The following TRPM3 variants were observed in gnomAD, a reference collection of about 807,000 sequenced individuals.
The protein encoded by TRPM3 is long transient receptor potential channel 3.
In TRPM3, 77 loss-of-function variants were observed where a neutral mutation model predicts 181.2. That is an observed-to-expected ratio of 0.42 (90% CI 0.35 to 0.51). The LOEUF is 0.51. Ranked by LOEUF, TRPM3 falls within the 20% of genes least tolerant of loss-of-function variation. The pLI, the probability that TRPM3 is intolerant of heterozygous loss-of-function variation, is 0.01. For missense variants in TRPM3, 1,759 were observed against 2,196.7 expected (o/e 0.80, Z 3.98); for synonymous variants, 745 against 796.4 (o/e 0.94, Z 1.09).
intron 1 of TRPM3, among the ~76,000 whole-genome samples, chr9:71,386,241 G>A (rs997173998): frequency 6.6e-6 from 1 of 151,814 alleles, no homozygotes. Context: ...ACGAGGTCAG[G>A]AGATTGAAAC....
chr9:70,861,830 G>A lies in TRPM3; in HGVS notation c.462+1078C>T, dbSNP rs59518319. Among the ~76,000 whole-genome samples, 805 of 148,334 alleles carry A rather than the reference G, an allele frequency of 5.4e-3. 9 individuals are homozygous for A. Among genetic ancestry groups the A allele is most frequent in the African/African-American group, 0.019 (755 of 40,346 alleles). On this transcript the variant is annotated intron_variant, in intron 3 of 25. Coordinates refer to ENST00000677713, the MANE Select transcript of TRPM3 (RefSeq NM_001366145.2). ...AGCACATTTTTCTTTCTAAAATATCGTTCAGAAATGGTTTTAATATACAGT... is the reference window on the plus strand; with the variant it reads ...AGCACATTTTTCTTTCTAAAATATCATTCAGAAATGGTTTTAATATACAGT...
At chr9:70,961,791 T>C (rs2097139071) in intron 1 of TRPM3, among the ~76,000 whole-genome samples, 1 of 152,128 alleles carries the variant, frequency 6.6e-6, no homozygotes, top group Non-Finnish European at 1.5e-5. Context: ...AAGCATTAAA[T>C]TGGTATTTAT....
rs146119682 is a variant in TRPM3, at chr9:70,537,293, G to C, written c.3820C>G (p.Arg1274Gly). The change falls in exon 26 of 26, where the codon CGC becomes GGC. Residue 1274 changes from arginine to glycine, a missense_variant. Around this residue, in one of 8 missense-constraint regions of TRPM3, gnomAD observed 612 missense variants for 590.0 expected, o/e 1.04. Coordinates refer to ENST00000677713, the MANE Select transcript of TRPM3 (RefSeq NM_001366145.2). ...RLAQLEDLIGRMATALERLTG... is the reference protein window; with the variant it reads ...RLAQLEDLIGGMATALERLTG... Reference sequence around the variant, plus strand: ...AGGCGCTCCAGGGCCGTGGCCATGCGCCCGATAAGGTCTTCCAGCTGCGCC... The same window carrying C: ...AGGCGCTCCAGGGCCGTGGCCATGCCCCCGATAAGGTCTTCCAGCTGCGCC... 1.3e-6 allele frequency: 2 copies of C among 1,553,004 alleles called. No homozygotes were observed. The highest frequency in any genetic ancestry group is 1.7e-6 in the Non-Finnish European group (2 of 1,146,562).
chr9:70,846,399 A>C lies in TRPM3; in HGVS notation c.655T>G (p.Phe219Val). 1 of 1,614,120 alleles carries C rather than the reference A, an allele frequency of 6.2e-7. No individual in the cohort carries two copies. The highest frequency in any genetic ancestry group is 1.1e-5 in the South Asian group (1 of 91,082). The change falls in exon 4 of 26, where the codon TTC becomes GTC. Residue 219 changes from phenylalanine to valine, a missense_variant. Around this residue, in one of 8 missense-constraint regions of TRPM3, gnomAD observed 737 missense variants for 957.4 expected, o/e 0.77. Coordinates refer to ENST00000677713, the MANE Select transcript of TRPM3 (RefSeq NM_001366145.2). Reference protein sequence around the residue: ...KAAMTTGAWIFTGGVNTGVIR... With the variant: ...KAAMTTGAWIVTGGVNTGVIR... ...TTACCTGTGTTAACCCCTCCAGTGA[A>C]TATCCACGCTCCAGTTGTCATTGCT...
chr9:71,112,465 G>A (rs541654853), intron 1 of TRPM3, among the ~76,000 whole-genome samples: 5 of 152,130 alleles, frequency 3.3e-5, no homozygotes, highest in South Asian at 2.1e-4. Flanking sequence ...TTGGGGAATC[G>A]ATGAACTAAA....
At position 70,916,337 on chromosome 9, in the gene TRPM3, A is replaced by G. The variant is rs184265444; in HGVS notation, c.178-51826T>C. On this transcript the variant is annotated intron_variant, in intron 1 of 25. Coordinates refer to ENST00000677713, the MANE Select transcript of TRPM3 (RefSeq NM_001366145.2). ...CTCATTGGTAATAGTAAGTACACAG[A>G]AAAATATAGAATATTATAAAACTGT... 2.6e-5 allele frequency among the ~76,000 whole-genome samples: 4 copies of G among 152,364 alleles called. No individual in the cohort carries two copies. In the East Asian group the frequency reaches 5.8e-4, roughly 22 times the overall value.
chr9:70,570,465 C>T (rs772584300), intron 22 of TRPM3, among the ~76,000 whole-genome samples: 18 of 151,978 alleles, frequency 1.2e-4, no homozygotes, highest in Non-Finnish European at 1.8e-4. Flanking sequence ...TGCGCCACCA[C>T]GCCCAGCTAA....
At chr9:71,268,866 C>A (rs916180207) in intron 1 of TRPM3, among the ~76,000 whole-genome samples, 69 of 152,090 alleles carry the variant, frequency 4.5e-4, no homozygotes, top group African/African-American at 1.5e-3. Flanking sequence ...AACAAAGAAT[C>A]AGAGAAGGCT....
intron 1 of TRPM3, among the ~76,000 whole-genome samples, chr9:71,408,242 G>A (rs964989273): frequency 1.3e-5 from 2 of 152,186 alleles, no homozygotes; most frequent in African/African-American, 2.4e-5. Flanking sequence ...AAAGCAGGAT[G>A]GAGAACGACT....
At chr9:71,380,468 T>C (rs2092772716) in intron 1 of TRPM3, among the ~76,000 whole-genome samples, 1 of 152,002 alleles carries the variant, frequency 6.6e-6, no homozygotes, top group African/African-American at 2.4e-5. Context: ...TTTTTGTCAA[T>C]CATTTTATTG....
intron 8 of TRPM3, among the ~76,000 whole-genome samples, chr9:70,700,183 A>G (rs967001160): frequency 2.2e-4 from 34 of 152,184 alleles, no homozygotes; most frequent in African/African-American, 8.2e-4. Flanking sequence ...GGCTTTCACT[A>G]TGTTGGCCAG....
intron 1 of TRPM3, among the ~76,000 whole-genome samples, chr9:70,883,620 G>C (rs2096034271): frequency 6.6e-6 from 1 of 152,166 alleles, no homozygotes; most frequent in African/African-American, 2.4e-5. Context: ...GAAGTGACTT[G>C]AGTGATTTTC....
chr9:71,120,991 G>A (rs964748027), intron 1 of TRPM3, among the ~76,000 whole-genome samples, 187 bp downstream of exon 1: 87 of 151,836 alleles, frequency 5.7e-4, no homozygotes, highest in African/African-American at 2.0e-3. Flanking sequence ...CTGACACCAC[G>A]GGGTGTGGGT....
Position 70,625,868 on chromosome 9 carries a change from C to T in TRPM3, c.1633-351G>A, listed in dbSNP as rs758729111. 6.6e-6 allele frequency among the ~76,000 whole-genome samples: 1 copy of T among 152,126 alleles called. No homozygotes were observed. The highest frequency in any genetic ancestry group is 1.5e-5 in the Non-Finnish European group (1 of 68,038). ...GACTCGGGTCTCCTTTAATACAAAA[C>T]CTCTATCCATAATTTTAAAAAATTG... On this transcript the variant is annotated intron_variant, in intron 12 of 25. Coordinates refer to ENST00000677713, the MANE Select transcript of TRPM3 (RefSeq NM_001366145.2). This position sits in a 1 kb window ranked among gnomAD's most constrained non-coding sequence, Gnocchi z 4.8.
chr9:71,398,777 C>A (rs1254438796), intron 1 of TRPM3, among the ~76,000 whole-genome samples: 2 of 151,896 alleles, frequency 1.3e-5, no homozygotes, highest in Non-Finnish European at 2.9e-5. Flanking sequence ...CATACAATCT[C>A]TATACTAATG....
chr9:70,700,138 A>G (rs1446474220), intron 8 of TRPM3, among the ~76,000 whole-genome samples: 1 of 152,106 alleles, frequency 6.6e-6, no homozygotes, highest in African/African-American at 2.4e-5. Context: ...ATGTGCCACC[A>G]TGCCCGGCTA....
chr9:71,225,720 C>A (rs1030076665), intron 1 of TRPM3, among the ~76,000 whole-genome samples: 1 of 151,984 alleles, frequency 6.6e-6, no homozygotes, highest in Non-Finnish European at 1.5e-5. Flanking sequence ...TGCAGTGGCA[C>A]CATCTCAGCT....
chr9:70,944,681 T>G (rs2096915705), intron 1 of TRPM3, among the ~76,000 whole-genome samples: 1 of 152,162 alleles, frequency 6.6e-6, no homozygotes, highest in Non-Finnish European at 1.5e-5. Context: ...TTTAGGGACA[T>G]TCATTAGAAA....
intron 1 of TRPM3, among the ~76,000 whole-genome samples, chr9:71,194,620 T>C: frequency 6.6e-6 from 1 of 152,036 alleles, no homozygotes; most frequent in East Asian, 1.9e-4. Context: ...CATACTGAAC[T>C]CTGACGCAAG....
Sources: gnomAD v4.1 joint callset for allele counts (sites outside exome capture counted in the v4.1 genomes callset) on GRCh38, gnomAD v4.1.1 for gene constraint, gnomAD v4.1.1 regional missense constraint, Gnocchi (gnomAD v3.1) non-coding constraint, MANE v1.5 for transcripts, NCBI Gene and HGNC (gene_info 2026-07-23, HGNC 2026-07-21) for gene names.